The following GPAT3 variants were observed in gnomAD, a reference collection of about 807,000 sequenced individuals.
The protein encoded by GPAT3 is glycerol-3-phosphate acyltransferase 3, also known as 1-AGP acyltransferase 9.
Under a neutral mutation model 58.8 loss-of-function variants are expected in GPAT3, and 53 were observed. That is an observed-to-expected ratio of 0.90 (90% confidence interval 0.72 to 1.13). The LOEUF (loss-of-function observed/expected upper bound fraction) is 1.13, where lower values mean the gene tolerates loss of function less well. GPAT3 is among the 50% of genes most tolerant of loss of function. GPAT3 has a pLI of 0.00. For missense variants in GPAT3, 511 were observed against 527.6 expected (o/e 0.97, Z 0.31); for synonymous variants, 197 against 187.4 (o/e 1.05, Z -0.42).
rs917639365 is a variant in GPAT3 at position 83,596,302 on chromosome 4, T to C, written c.855-556T>C. Among the ~76,000 whole-genome samples, 8 of 152,278 alleles carry C rather than the reference T, an allele frequency of 5.3e-5. No homozygotes were observed. In the South Asian group the frequency reaches 1.0e-3, roughly 20 times the overall value. ...CAAATGACTGTCTAATATTCTCTTTTAAGAATAGGCGAAGACACTGAAAAT... is the reference window on the plus strand; with the variant it reads ...CAAATGACTGTCTAATATTCTCTTTCAAGAATAGGCGAAGACACTGAAAAT... On this transcript the variant is annotated intron_variant, in intron 7 of 11. Transcript: ENST00000264409.
chr4:83,547,498 C>T lies in GPAT3; in HGVS notation c.208+2896C>T, dbSNP rs1390388010. Among the ~76,000 whole-genome samples the T allele has an allele frequency of 1.2e-4, 18 of 151,866 alleles. 1 individual carries two copies. The highest frequency in any genetic ancestry group is 4.1e-4 in the African/African-American group (17 of 41,320). On this transcript the variant is annotated intron_variant, in intron 2 of 11. Transcript: ENST00000264409. The stretch of plus-strand genomic sequence containing the variant: ...CGATCTCCTGACCTTGTGATCTGCC[C>T]ACCTCGGCCTCCCAAAGTGCTGGGA...
intron 1 of GPAT3, among the ~76,000 whole-genome samples, chr4:83,540,019 A>G (rs1447576878): frequency 1.3e-5 from 2 of 152,126 alleles, no homozygotes; most frequent in Non-Finnish European, 2.9e-5. Context: ...TTAGCCAAGC[A>G]TGGTGGTGTG....
chr4:83,554,865 G>A (rs995880911), intron 2 of GPAT3, among the ~76,000 whole-genome samples: 9 of 148,710 alleles, frequency 6.1e-5, no homozygotes, highest in African/African-American at 2.0e-4. Flanking sequence ...GTTCAGTGGC[G>A]TGATCTCGGA....
chr4:83,578,948 T>TCTTTCCTTCTTTC (rs11392342), intron 2 of GPAT3, among the ~76,000 whole-genome samples: 1 of 71,848 alleles, frequency 1.4e-5, no homozygotes, highest in East Asian at 3.9e-4. Flanking sequence ...TTTTCTTTTC[T>TCTTTCCTTCTTTC]TTTCTTTCTT....
intron 3 of GPAT3, among the ~76,000 whole-genome samples, chr4:83,583,774 A>G (rs1578190606): frequency 2.0e-5 from 3 of 149,022 alleles, no homozygotes; most frequent in African/African-American, 7.5e-5. Context: ...CAGGAGTTCT[A>G]TGTCAGCCTG....
rs138199995 is a variant in GPAT3, at chr4:83,537,625, G to GTGTGTA, written c.141+863_141+864insGTGTAT. The stretch of plus-strand genomic sequence containing the variant: ...TGTGTGTGTGTGTGTGTGTGTGTGT[G>GTGTGTA]TATATTTAACATAAGAGACAGGGTC... On this transcript the variant is annotated intron_variant, in intron 1 of 11. Coordinates refer to ENST00000264409, the MANE Select transcript of GPAT3 (RefSeq NM_032717.5). Among the ~76,000 whole-genome samples, 513 of 147,652 alleles carry GTGTGTA rather than the reference G, an allele frequency of 3.5e-3. 3 individuals carry two copies. Among genetic ancestry groups the GTGTGTA allele is most frequent in the African/African-American group, 0.013 (493 of 39,268 alleles).
intron 2 of GPAT3, among the ~76,000 whole-genome samples, chr4:83,562,178 A>ATTTTAT (rs1452628940): frequency 3.8e-5 from 2 of 53,016 alleles, no homozygotes; most frequent in African/African-American, 2.1e-4. Flanking sequence ...TATTTTATAT[A>ATTTTAT]TTATATATAT....
At chr4:83,537,663 C>A (rs1724156214) in intron 1 of GPAT3, among the ~76,000 whole-genome samples, 1 of 150,714 alleles carries the variant, frequency 6.6e-6, no homozygotes, top group African/African-American at 2.4e-5. Context: ...GCTATCTTGG[C>A]TAGGCTGGTC....
At position 83,567,912 on chromosome 4, in the gene GPAT3, G is replaced by A. The variant is rs559340746; in HGVS notation, c.209-13650G>A. On this transcript the variant is annotated intron_variant, in intron 2 of 11. Transcript: ENST00000264409. ...TTAGCATGTTCATCTCTTGGTGTCA[G>A]TAAAGCTTTGAGCAACTTTTTTTTT... Among the ~76,000 whole-genome samples the A allele has an allele frequency of 1.2e-3, 181 of 152,232 alleles. 1 individual carries two copies. The highest frequency in any genetic ancestry group is 4.1e-3 in the African/African-American group (172 of 41,554).
chr4:83,536,296 C>T lies in GPAT3; in HGVS notation c.-327C>T, dbSNP rs947758913. On this transcript the variant is annotated 5_prime_UTR_variant, in exon 1 of 12. Coordinates refer to ENST00000264409, the MANE Select transcript of GPAT3 (RefSeq NM_032717.5). Reference sequence around the variant, plus strand: ...TTCCTGGCTGCGCTCGCGCGCTCTGCCCGCGCCGCGGTGTGCCTCCGCTTA... The same window carrying T: ...TTCCTGGCTGCGCTCGCGCGCTCTGTCCGCGCCGCGGTGTGCCTCCGCTTA... 3.3e-5 allele frequency: 35 copies of T among 1,064,666 alleles called. No homozygotes were observed. The highest frequency in any genetic ancestry group is 4.2e-4 in the Middle Eastern group (1 of 2,382). 66.0% of individuals were successfully genotyped at this position (1,064,666 alleles called of 1,614,324 possible). A position where few individuals can be genotyped will look rare whatever the true frequency, so the allele number is the denominator to read the frequency against.
intron 1 of GPAT3, among the ~76,000 whole-genome samples, chr4:83,540,242 G>C (rs1158413665): frequency 6.6e-6 from 1 of 151,946 alleles, no homozygotes; most frequent in East Asian, 1.9e-4. Context: ...CCCTCCAAGA[G>C]GATTTGGAAA....
chr4:83,543,008 A>G (rs924449149), intron 1 of GPAT3, among the ~76,000 whole-genome samples: 2 of 152,148 alleles, frequency 1.3e-5, no homozygotes, highest in African/African-American at 4.8e-5. Context: ...TCAAAAAGTA[A>G]AATAAAATAA....
intron 1 of GPAT3, 72 bp from the exon 2 acceptor site, chr4:83,544,464 A>G (rs753306725): frequency 6.9e-7 from 1 of 1,455,648 alleles, no homozygotes; most frequent in Non-Finnish European, 9.6e-7. Context: ...TCACTTCTGT[A>G]TAATCATGGT....
At chr4:83,576,678 A>G (rs1189259274) in intron 2 of GPAT3, among the ~76,000 whole-genome samples, 1 of 152,014 alleles carries the variant, frequency 6.6e-6, no homozygotes, top group Non-Finnish European at 1.5e-5. Flanking sequence ...TCCTGACCTC[A>G]AGTGATCCGC....
At chr4:83,574,296 A>G (rs1419121973) in intron 2 of GPAT3, among the ~76,000 whole-genome samples, 1 of 152,238 alleles carries the variant, frequency 6.6e-6, no homozygotes, top group Admixed American at 6.5e-5. Context: ...ACTGGAGGAC[A>G]GAAAAACTAG....
intron 6 of GPAT3, among the ~76,000 whole-genome samples, chr4:83,591,642 C>T (rs1024005381): frequency 6.6e-6 from 1 of 152,134 alleles, no homozygotes; most frequent in East Asian, 1.9e-4. Flanking sequence ...TGTTAACACC[C>T]TAGACCCCGC....
chr4:83,578,328 C>T (rs141971321), intron 2 of GPAT3, among the ~76,000 whole-genome samples: 116 of 152,126 alleles, frequency 7.6e-4, no homozygotes, highest in Non-Finnish European at 1.5e-3. Context: ...TTGCAGTTAC[C>T]TACATACTTT....
At chr4:83,582,466 A>C (rs1457743705) in intron 3 of GPAT3, among the ~76,000 whole-genome samples, 9 of 152,196 alleles carry the variant, frequency 5.9e-5, no homozygotes, top group Admixed American at 5.9e-4. Context: ...CATGAGTAGA[A>C]GGCACTGCGT....
intron 6 of GPAT3, among the ~76,000 whole-genome samples, chr4:83,592,019 A>G (rs1006515364): frequency 1.3e-5 from 2 of 152,040 alleles, no homozygotes; most frequent in Non-Finnish European, 2.9e-5. Flanking sequence ...GCTTTAATCC[A>G]TCCATGAGGA....
Sources: allele counts gnomAD v4.1 joint callset (sites outside exome capture counted in the v4.1 genomes callset), GRCh38; gene constraint gnomAD v4.1.1; transcripts MANE v1.5; gene names NCBI Gene and HGNC (gene_info 2026-07-23, HGNC 2026-07-21).